Variants in NID1 observed in about 807,000 individuals in gnomAD.
NID1 encodes nidogen-1.
Under a neutral mutation model 130.6 loss-of-function variants are expected in NID1, and 76 were observed. That is an observed-to-expected ratio of 0.58 (90% CI 0.48 to 0.70). The LOEUF is 0.70. NID1 is among the 30% of genes least tolerant of loss of function. The probability of loss-of-function intolerance (pLI) is 0.00; values close to 1 mark genes in which losing one functional copy is unlikely to be tolerated. For synonymous variants in NID1, 665 were observed against 675.1 expected (o/e 0.98, Z 0.23); for missense variants, 1,517 against 1,664.8 (o/e 0.91, Z 1.54).
chr1:236,026,279 C>T, intron 7 of NID1, 138 bp from the exon 8 acceptor site: 1 of 1,038,002 alleles, frequency 9.6e-7, no homozygotes, highest in Non-Finnish European at 1.4e-6. Flanking sequence ...ACAGACCAGA[C>T]AGAACAGCTT....
chr1:236,017,351 T>G, intron 9 of NID1, 78 bp from the exon 10 acceptor site: 2 of 1,500,054 alleles, frequency 1.3e-6, no homozygotes, highest in African/African-American at 1.4e-5. Flanking sequence ...AAAATAGCAT[T>G]GTCACCTAAG....
At chr1:236,002,428 G>A (rs775920722) in intron 12 of NID1, among the ~76,000 whole-genome samples, 10 of 152,160 alleles carry the variant, frequency 6.6e-5, no homozygotes, top group Admixed American at 1.3e-4. Flanking sequence ...GCTTGAACCC[G>A]GGAGGCGGAG....
intron 4 of NID1, among the ~76,000 whole-genome samples, chr1:236,039,190 A>G (rs895399868): frequency 1.4e-5 from 2 of 146,216 alleles, no homozygotes; most frequent in Non-Finnish European, 3.0e-5. Context: ...ATGTTATATA[A>G]TAATATATAA....
chr1:235,995,898 A>G (rs1345227191), intron 12 of NID1, among the ~76,000 whole-genome samples: 1 of 152,182 alleles, frequency 6.6e-6, no homozygotes, highest in African/African-American at 2.4e-5. Context: ...AGTGGCTCAC[A>G]CCTGTAATTC....
intron 5 of NID1, 24 bp from the exon 6 acceptor site, chr1:236,032,676 A>T: frequency 6.2e-7 from 1 of 1,612,858 alleles, no homozygotes; most frequent in Non-Finnish European, 8.5e-7. Context: ...CAAAGAAAGA[A>T]TATAGAGATC....
chr1:236,000,122 G>A (rs750027451), intron 12 of NID1, among the ~76,000 whole-genome samples: 4 of 152,130 alleles, frequency 2.6e-5, no homozygotes, highest in Admixed American at 1.3e-4. Flanking sequence ...GCTGAGGCAC[G>A]AGAATCTCTT....
rs571084964 is a variant in NID1 at position 236,013,146 on chromosome 1, G to C, written c.2404+265C>G. ...TTGTGAAAGACAGAAAATATCCCTG[G>C]TTCCTAGCAGAGAGCAGGTGTCTAA... is the stretch of plus-strand genomic sequence containing the variant. On this transcript the variant is annotated intron_variant, in intron 11 of 19. Coordinates refer to ENST00000264187, the MANE Select transcript of NID1 (RefSeq NM_002508.3). Among the ~76,000 whole-genome samples the C allele has an allele frequency of 3.3e-5, 5 of 152,236 alleles. No homozygotes were observed. In the South Asian group the frequency reaches 1.0e-3, roughly 32 times the overall value.
At chr1:236,029,163 G>A (rs992755785) in intron 7 of NID1, among the ~76,000 whole-genome samples, 7 of 142,794 alleles carry the variant, frequency 4.9e-5, no homozygotes, top group African/African-American at 1.4e-4. Context: ...GGCAACAGGA[G>A]TGAAACCCTG....
intron 3 of NID1, among the ~76,000 whole-genome samples, chr1:236,042,719 C>T (rs982498627): frequency 1.3e-5 from 2 of 152,210 alleles, no homozygotes; most frequent in Non-Finnish European, 2.9e-5. Context: ...ATTGAAAATA[C>T]ATGTTTGGTC....
At position 236,032,521 on chromosome 1, in the gene NID1, T is replaced by C; in HGVS notation, c.1417A>G (p.Ile473Val). Residue 473 changes from isoleucine (I) to valine (V), a missense_variant, in exon 6 of 20, where the codon ATC (isoleucine) becomes GTC (valine). Coordinates refer to ENST00000264187, the MANE Select transcript of NID1 (RefSeq NM_002508.3). Reference protein sequence around the residue: ...VMNHGRSYTAISTIPETVGYS... With the variant: ...VMNHGRSYTAVSTIPETVGYS... ...CCAACGGTCTCGGGAATGGTGCTGA[T>C]GGCTGTGTAGGAGCGCCCGTGGTTC... 5 of 1,614,220 alleles carry C rather than the reference T, an allele frequency of 3.1e-6. No individual in the cohort carries two copies. Among genetic ancestry groups the C allele is most frequent in the Non-Finnish European group, 3.4e-6 (4 of 1,180,044 alleles).
chr1:236,052,469 A>G (rs1419021650), intron 1 of NID1, among the ~76,000 whole-genome samples: 1 of 152,208 alleles, frequency 6.6e-6, no homozygotes, highest in African/African-American at 2.4e-5. Context: ...CAGTTGGTGA[A>G]GCCAGGAAAC....
chr1:236,013,556 G>A lies in NID1; in HGVS notation c.2259C>T (p.Val753=), dbSNP rs140362440. Residue 753 remains valine, a synonymous_variant, in exon 11 of 20, where the codon GTC becomes GTT. Transcript: ENST00000264187. Reference sequence around the variant, plus strand: ...AGTAGTTGATGGGGCGCTGGTCCACGACAGCTTCAGAACAAAAGGTTGATG... The same window carrying A: ...AGTAGTTGATGGGGCGCTGGTCCACAACAGCTTCAGAACAAAAGGTTGATG... The part of the protein sequence containing the change: ...QFSDEGTCVA[V]VDQRPINYCE... 753 of 1,614,118 alleles carry A rather than the reference G, an allele frequency of 4.7e-4. 2 individuals are homozygous for A. The highest frequency in any genetic ancestry group is 2.5e-4 in the South Asian group (23 of 91,080).
intron 2 of NID1, among the ~76,000 whole-genome samples, chr1:236,048,287 A>G (rs900697496): frequency 6.6e-6 from 1 of 151,988 alleles, no homozygotes; most frequent in African/African-American, 2.4e-5. Flanking sequence ...GTGAGCCAAG[A>G]TCGTGCCACT....
chr1:236,053,324 C>T lies in NID1; in HGVS notation c.226-4335G>A, dbSNP rs141325419. On this transcript the variant is annotated intron_variant, in intron 1 of 19. Coordinates refer to ENST00000264187, the MANE Select transcript of NID1 (RefSeq NM_002508.3). ...TTAAATGTTGTTTCTGTCAATTACC[C>T]GACAGTCAAATCGGTTTAGTTATGC... Among the ~76,000 whole-genome samples, 208 of 152,212 alleles carry T rather than the reference C, an allele frequency of 1.4e-3. 4 individuals are homozygous for T. The East Asian group carries it at 0.037, about 27-fold the overall frequency.
At chr1:236,032,260 A>G in intron 6 of NID1, 141 bp downstream of exon 6, 3 of 961,342 alleles carry the variant, frequency 3.1e-6, no homozygotes, top group Non-Finnish European at 4.7e-6. Context: ...GAACTACAGG[A>G]TGCCCTGTCT....
intron 13 of NID1, among the ~76,000 whole-genome samples, chr1:235,992,473 G>A (rs745955623): frequency 1.3e-5 from 2 of 152,134 alleles, no homozygotes; most frequent in African/African-American, 2.4e-5. Flanking sequence ...CAGGCTCCTC[G>A]TTGCCCTCAT....
Position 235,985,319 on chromosome 1 carries a change from A to G in NID1, c.3055+60T>C, listed in dbSNP as rs1363919413. On this transcript the variant is annotated intron_variant, in intron 15 of 19. Transcript: ENST00000264187. ...CATTTGCTGTTCTTCTCTGGCATAC[A>G]TGGCCACTTTGGCTGCTAGAAGCAA... 6 of 1,598,586 alleles carry G rather than the reference A, an allele frequency of 3.8e-6. No individual in the cohort carries two copies. In the Admixed American group the frequency reaches 5.0e-5, roughly 13 times the overall value.
At chr1:236,025,813 G>A in intron 8 of NID1, 83 bp downstream of exon 8, 2 of 1,536,420 alleles carry the variant, frequency 1.3e-6, no homozygotes, top group Non-Finnish European at 1.8e-6. Flanking sequence ...CAGACTGAGA[G>A]TAAGAGACCA....
At chr1:235,988,690 A>T (rs1429147949) in intron 14 of NID1, among the ~76,000 whole-genome samples, 2 of 152,170 alleles carry the variant, frequency 1.3e-5, no homozygotes, top group Non-Finnish European at 2.9e-5. Flanking sequence ...CAGCCTTAAG[A>T]AAGAAGGAAA....
Sources: gnomAD v4.1 joint callset for allele counts (sites outside exome capture counted in the v4.1 genomes callset) on GRCh38, gnomAD v4.1.1 for gene constraint, MANE v1.5 for transcripts, NCBI Gene and HGNC (gene_info 2026-07-23, HGNC 2026-07-21) for gene names.